ZBED6: variants seen among roughly 807,000 people sequenced by gnomAD.
The protein encoded by ZBED6 is zinc finger BED-type containing 6.
Under a neutral mutation model 58.4 loss-of-function variants are expected in ZBED6, and 40 were observed. The observed-to-expected ratio is 0.68, with a 90% CI of 0.53 to 0.89. ZBED6 has a LOEUF of 0.89. Ranked by LOEUF, ZBED6 falls within the 40% of genes least tolerant of loss-of-function variation. The pLI is 0.00. For missense variants in ZBED6, 1,057 were observed against 1,003.9 expected, an observed-to-expected ratio of 1.05 and a Z score of -0.71; for synonymous variants, 439 against 350.6, an observed-to-expected ratio of 1.25 and a Z score of -2.82.
At chr1:203,798,990 G>A (rs987546542) in exon 1 of ZBED6, 1 of 1,536,114 alleles carries the variant, frequency 6.5e-7, no homozygotes, top group Non-Finnish European at 8.7e-7. Context: ...ATGGACCCAT[G>A]ACCCATCCAC....
chr1:203,850,441 A>G, intron 14 of ZBED6, 74 bp from the exon 15 acceptor site: 1 of 1,576,394 alleles, frequency 6.3e-7, no homozygotes. Context: ...GAGTTTTGAT[A>G]TTTTATTCTG....
intron 3 of ZBED6, among the ~76,000 whole-genome samples, chr1:203,822,629 T>C (rs1432985689): frequency 6.6e-6 from 1 of 152,112 alleles, no homozygotes; most frequent in Non-Finnish European, 1.5e-5. Context: ...TACATGAGTA[T>C]ATATTCTTCA....
intron 1 of ZBED6, among the ~76,000 whole-genome samples, chr1:203,807,783 G>A (rs530536945): frequency 6.5e-4 from 99 of 151,932 alleles, no homozygotes; most frequent in Non-Finnish European, 1.1e-3. Flanking sequence ...GCTCTGTTGC[G>A]CAGACCAGAG....
intron 8 of ZBED6, among the ~76,000 whole-genome samples, chr1:203,833,539 AAATAAT>A (rs528391252): frequency 6.0e-4 from 91 of 151,568 alleles, no homozygotes; most frequent in Middle Eastern, 3.4e-3. Context: ...ATTATTATCA[AAATAAT>A]AATAATAATT....
chr1:203,798,513 G>A (rs1558087058), exon 1 of ZBED6: 4 of 1,536,010 alleles, frequency 2.6e-6, no homozygotes, highest in East Asian at 2.4e-5. Flanking sequence ...TGTTGCAAAT[G>A]GATTAGATGA....
At chr1:203,831,623 C>A (rs1300296725) in intron 7 of ZBED6, 38 bp from the exon 8 acceptor site, 1 of 1,563,436 alleles carries the variant, frequency 6.4e-7, no homozygotes, top group Admixed American at 1.8e-5. Context: ...CATTATTTTC[C>A]ATAAATTATT....
At chr1:203,811,343 G>A (rs1674438749) in intron 1 of ZBED6, among the ~76,000 whole-genome samples, 1 of 152,086 alleles carries the variant, frequency 6.6e-6, no homozygotes, top group African/African-American at 2.4e-5. Flanking sequence ...AAAATTAGTT[G>A]CCAAAAAATT....
chr1:203,816,776 G>A, intron 1 of ZBED6, 150 bp from the exon 2 acceptor site: 1 of 290,024 alleles, frequency 3.4e-6, no homozygotes. Context: ...GGAATGTACA[G>A]TATTCGCAAT....
exon 10 of ZBED6, chr1:203,838,029 C>T (rs562106453): frequency 6.8e-6 from 11 of 1,614,076 alleles, no homozygotes; most frequent in Non-Finnish European, 9.3e-6. Flanking sequence ...AAAGTTGAAG[C>T]TCCAGAAACT....
chr1:203,824,113 C>CA (rs1305956211), intron 3 of ZBED6, among the ~76,000 whole-genome samples: 8 of 152,024 alleles, frequency 5.3e-5, no homozygotes, highest in African/African-American at 1.7e-4. Flanking sequence ...ACTCAAATTA[C>CA]AAAAATTAGT....
intron 1 of ZBED6, among the ~76,000 whole-genome samples, chr1:203,807,232 T>A (rs989930637): frequency 7.9e-5 from 12 of 152,180 alleles, no homozygotes; most frequent in Admixed American, 5.2e-4. Context: ...TTAGGATTTT[T>A]TATCTGTGTC....
rs768828298 is a variant in ZBED6 at position 203,797,891 on chromosome 1, C to T, written c.369C>T (p.Ile123=). ...TTGAGAGCAATATAGAAAAACAGAT[C>T]TATCTACCTAGTACTAGAGCCAAGA... The change falls in exon 1 of 17, where the codon ATC becomes ATT. Residue 123 remains isoleucine (I), a synonymous_variant. Transcript: ENST00000550078. The T allele has an allele frequency of 5.3e-5, 82 of 1,535,972 alleles. No homozygotes were observed. In the South Asian group the frequency reaches 9.3e-4, roughly 17 times the overall value.
chr1:203,829,855 G>A (rs746452954), exon 6 of ZBED6: 5 of 1,614,086 alleles, frequency 3.1e-6, no homozygotes, highest in Non-Finnish European at 4.2e-6. Context: ...AATGGATTAC[G>A]AGTGACTTCT....
exon 1 of ZBED6, chr1:203,798,703 C>T (rs1410099633): frequency 2.5e-5 from 38 of 1,535,954 alleles, no homozygotes; most frequent in African/African-American, 5.5e-5. Context: ...CTGATGCGTG[C>T]GCAGGAGAGA....
chr1:203,833,618 G>GTTTTTTTTTTTTTT (rs553171669), intron 8 of ZBED6, among the ~76,000 whole-genome samples, 173 bp from the exon 9 acceptor site: 4 of 124,830 alleles, frequency 3.2e-5, no homozygotes, highest in Non-Finnish European at 5.0e-5. Flanking sequence ...ATAGGTTTGG[G>GTTTTTTTTTTTTTT]TTTTTTTTTT....
At chr1:203,820,588 G>C (rs187747792) in intron 3 of ZBED6, among the ~76,000 whole-genome samples, 1 of 151,692 alleles carries the variant, frequency 6.6e-6, no homozygotes, top group Non-Finnish European at 1.5e-5. Context: ...TGTGATTCTT[G>C]TGCCTCAACC....
chr1:203,851,030 T>C, intron 15 of ZBED6, 27 bp from the exon 16 acceptor site: 3 of 1,611,670 alleles, frequency 1.9e-6, no homozygotes, highest in Non-Finnish European at 2.5e-6. Flanking sequence ...TGACTCTCAC[T>C]GAATTACCTG....
intron 10 of ZBED6, among the ~76,000 whole-genome samples, chr1:203,839,385 G>A (rs1258096863): frequency 6.6e-6 from 1 of 152,188 alleles, no homozygotes; most frequent in Non-Finnish European, 1.5e-5. Flanking sequence ...AAAAAGCCAA[G>A]GTTAGATTTA....
intron 3 of ZBED6, among the ~76,000 whole-genome samples, chr1:203,821,440 C>T (rs35306101): frequency 0.11 from 16,010 of 151,978 alleles, 1,122 homozygotes; most frequent in Non-Finnish European, 0.15. Context: ...TTTTATGCTC[C>T]GATTGACCCA....
Sources: gnomAD v4.1 joint callset for allele counts (sites outside exome capture counted in the v4.1 genomes callset) on GRCh38, gnomAD v4.1.1 for gene constraint, MANE v1.5 for transcripts, NCBI Gene and HGNC (gene_info 2026-07-23, HGNC 2026-07-21) for gene names.